TASP1: variants seen among roughly 807,000 people sequenced by gnomAD.
TASP1 encodes the protein taspase 1, also known as threonine aspartase 1.
A neutral mutation model predicts 56.6 loss-of-function variants in TASP1; 16 were observed. The observed-to-expected ratio is 0.28, with a 90% CI of 0.19 to 0.43. The LOEUF is 0.43. TASP1 is among the 20% of genes least tolerant of loss of function. The probability of loss-of-function intolerance (pLI) is 1.00; values close to 1 mark genes in which losing one functional copy is unlikely to be tolerated. For missense variants in TASP1, 393 were observed against 511.6 expected, an observed-to-expected ratio of 0.77 and a Z score of 2.24; for synonymous variants, 179 against 184.2, an observed-to-expected ratio of 0.97 and a Z score of 0.23.
the TASP1 span, among the ~76,000 whole-genome samples, chr20:13,244,705 A>G: frequency 6.6e-6 from 1 of 152,170 alleles, no homozygotes; most frequent in African/African-American, 2.4e-5. Flanking sequence ...TTTTGACCAC[A>G]TTTTCTATTG....
At chr20:13,636,187 C>T (rs1421878928) in intron 1 of TASP1, among the ~76,000 whole-genome samples, 2 of 144,092 alleles carry the variant, frequency 1.4e-5, no homozygotes, top group African/African-American at 2.6e-5. Context: ...ACTCTGTCAC[C>T]CAGGCTGGAG....
chr20:13,618,944 T>G (rs1206763684), intron 4 of TASP1, among the ~76,000 whole-genome samples: 1 of 152,094 alleles, frequency 6.6e-6, no homozygotes, highest in Non-Finnish European at 1.5e-5. Context: ...CTCGGCTCAC[T>G]GCCAACCTCT....
the TASP1 span, among the ~76,000 whole-genome samples, chr20:13,222,089 G>A: frequency 2.6e-5 from 4 of 152,196 alleles, no homozygotes; most frequent in Non-Finnish European, 5.9e-5. Context: ...CGGAGCGGGG[G>A]CACGTGCCTG....
At chr20:13,126,576 C>T in the TASP1 span, 13 of 1,612,402 alleles carry the variant, frequency 8.1e-6, no homozygotes, top group East Asian at 2.2e-5. Context: ...TTTGGGTTTC[C>T]CCTCTTTATT....
chr20:13,508,404 A>G (rs2146695808), intron 10 of TASP1, among the ~76,000 whole-genome samples: 1 of 152,232 alleles, frequency 6.6e-6, no homozygotes, highest in Non-Finnish European at 1.5e-5. Context: ...AAAATTTGAA[A>G]TTTTTTGAGT....
chr20:13,587,392 TA>T, intron 4 of TASP1, 22 bp from the exon 5 acceptor site: 1 of 1,570,522 alleles, frequency 6.4e-7, no homozygotes, highest in African/African-American at 1.4e-5. Flanking sequence ...AAACAAAAAT[TA>T]AAATATCATT....
chr20:13,512,206 G>A (rs1464680272), intron 10 of TASP1, among the ~76,000 whole-genome samples: 2 of 152,120 alleles, frequency 1.3e-5, no homozygotes, highest in African/African-American at 4.8e-5. Context: ...GGTTGAACTA[G>A]TTTACAGTCC....
At chr20:13,530,525 C>T (rs759787395) in intron 9 of TASP1, among the ~76,000 whole-genome samples, 29 of 152,168 alleles carry the variant, frequency 1.9e-4, no homozygotes, top group Non-Finnish European at 3.7e-4. Context: ...AATGGAAGGA[C>T]CCATTCTTTC....
chr20:13,605,527 T>G (rs1247419267), intron 4 of TASP1, among the ~76,000 whole-genome samples: 1 of 151,906 alleles, frequency 6.6e-6, no homozygotes. Context: ...AAATTTTTTT[T>G]TAAATAGCTG....
At chr20:13,258,906 C>T in the TASP1 span, among the ~76,000 whole-genome samples, 1 of 152,102 alleles carries the variant, frequency 6.6e-6, no homozygotes, top group South Asian at 2.1e-4. Flanking sequence ...AGACCAACAT[C>T]CGGATAGGGG....
At chr20:13,175,908 T>A in the TASP1 span, among the ~76,000 whole-genome samples, 3 of 152,158 alleles carry the variant, frequency 2.0e-5, no homozygotes, top group Non-Finnish European at 4.4e-5. Flanking sequence ...TATCCTCTGA[T>A]AGACATGAGA....
the TASP1 span, among the ~76,000 whole-genome samples, chr20:13,344,438 T>C: frequency 6.6e-6 from 1 of 151,926 alleles, no homozygotes; most frequent in African/African-American, 2.4e-5. Context: ...GTCTACATAA[T>C]GGGATGGAAA....
At chr20:13,533,689 T>A (rs943086439) in intron 9 of TASP1, among the ~76,000 whole-genome samples, 17 of 152,104 alleles carry the variant, frequency 1.1e-4, no homozygotes, top group Admixed American at 6.6e-5. Context: ...TAGAGCTTGT[T>A]CCTAAAGAGA....
intron 7 of TASP1, among the ~76,000 whole-genome samples, chr20:13,569,042 G>C (rs6079114): frequency 2.6e-5 from 4 of 152,106 alleles, no homozygotes; most frequent in East Asian, 1.9e-4. Context: ...CATAGATTAA[G>C]GATATTTATC....
intron 13 of TASP1, chr20:13,393,211 C>A: frequency 1.4e-6 from 1 of 720,972 alleles, no homozygotes; most frequent in Non-Finnish European, 2.6e-6. Context: ...ACAGTCCACG[C>A]TATCACTGCC....
rs34988299 is a variant in TASP1, at chr20:13,430,662, C to T, written c.1096+4382G>A. On this transcript the variant is annotated intron_variant, in intron 12 of 13. Coordinates refer to ENST00000337743, the MANE Select transcript of TASP1 (RefSeq NM_017714.3). ...CTGCCATAAATTTATTGGTTGGAAG[C>T]GAGTCTCTAGTGTTTGGCTCACAGT... is the stretch of plus-strand genomic sequence containing the variant. Among the ~76,000 whole-genome samples the T allele has an allele frequency of 3.2e-3, 493 of 152,280 alleles. 1 individual carries two copies. The highest frequency in any genetic ancestry group is 0.012 in the East Asian group (60 of 5,184).
the TASP1 span, among the ~76,000 whole-genome samples, chr20:13,188,872 A>C: frequency 6.6e-6 from 1 of 152,162 alleles, no homozygotes; most frequent in Admixed American, 6.5e-5. Context: ...AACCTAACTT[A>C]ATAGTATGCA....
the TASP1 span, among the ~76,000 whole-genome samples, chr20:13,125,671 CCTT>C: frequency 6.6e-6 from 1 of 152,184 alleles, no homozygotes; most frequent in Admixed American, 6.5e-5. Flanking sequence ...CTGGAATGGT[CCTT>C]CTCTGTTCCA....
intron 8 of TASP1, among the ~76,000 whole-genome samples, chr20:13,542,237 G>A (rs1425917136): frequency 1.3e-5 from 2 of 152,050 alleles, no homozygotes; most frequent in East Asian, 1.9e-4. Flanking sequence ...ATGAAACTAT[G>A]TTAACATCAC....
Sources: gnomAD v4.1 joint callset for allele counts (sites outside exome capture counted in the v4.1 genomes callset) on GRCh38, gnomAD v4.1.1 for gene constraint, MANE v1.5 for transcripts, NCBI Gene and HGNC (gene_info 2026-07-23, HGNC 2026-07-21) for gene names.